The following NPAS3 variants were observed in gnomAD, a reference collection of about 807,000 sequenced individuals.
NPAS3 encodes the protein neuronal PAS domain-containing protein 3.
NPAS3 carries 14 observed loss-of-function variants against 73.1 expected under a neutral mutation model. The ratio of observed to expected loss-of-function variants is 0.19; its 90% confidence interval spans 0.13 to 0.30. The LOEUF (loss-of-function observed/expected upper bound fraction) is 0.30. Among genes scored for constraint, NPAS3 ranks in the 10% least tolerant of loss-of-function variants. NPAS3 has a pLI of 1.00. For missense variants in NPAS3, 1,096 were observed against 1,250.0 expected (o/e 0.88, Z 1.86); for synonymous variants, 620 against 541.5 (o/e 1.14, Z -2.01).
intron 4 of NPAS3, among the ~76,000 whole-genome samples, chr14:33,400,273 C>A (rs1170390241): frequency 6.6e-6 from 1 of 152,068 alleles, no homozygotes; most frequent in Non-Finnish European, 1.5e-5. Flanking sequence ...CACTTATAAA[C>A]CCCAGAAATA....
intron 2 of NPAS3, among the ~76,000 whole-genome samples, chr14:33,081,546 C>A (rs558793988): frequency 1.7e-3 from 256 of 152,248 alleles, no homozygotes; most frequent in African/African-American, 6.0e-3. Context: ...TCTTCTATGT[C>A]GTCAAGTGGG....
In NPAS3 at chr14:33,129,617, G is replaced by T. The variant is rs114385462; in HGVS notation, c.140+73623G>T. 3.4e-3 allele frequency among the ~76,000 whole-genome samples: 516 copies of T among 152,152 alleles called. 2 individuals are homozygous for T. Among genetic ancestry groups the T allele is most frequent in the African/African-American group, 0.012 (501 of 41,518 alleles). The stretch of plus-strand genomic sequence containing the variant: ...ATCTTCCACACATTTTAGTCTATTT[G>T]GTTGTTCCCAATTGTAGTAGTTTTA... On this transcript the variant is annotated intron_variant, in intron 2 of 11. Coordinates refer to ENST00000356141, the Ensembl canonical transcript of NPAS3.
intron 4 of NPAS3, among the ~76,000 whole-genome samples, chr14:33,553,599 C>G (rs1030311589): frequency 1.3e-5 from 2 of 152,252 alleles, no homozygotes; most frequent in Admixed American, 6.5e-5. Context: ...CAGTATGAAC[C>G]TATGCTATCC....
At chr14:33,194,423 A>G (rs2046278364) in intron 2 of NPAS3, among the ~76,000 whole-genome samples, 1 of 152,204 alleles carries the variant, frequency 6.6e-6, no homozygotes, top group South Asian at 2.1e-4. Context: ...AATCAAGACC[A>G]TAAGCTACTC....
chr14:33,376,260 A>T (rs2046308151), intron 4 of NPAS3, among the ~76,000 whole-genome samples: 1 of 152,168 alleles, frequency 6.6e-6, no homozygotes, highest in African/African-American at 2.4e-5. Flanking sequence ...TTTTGAGGAA[A>T]TATTATATAG....
Position 33,465,892 on chromosome 14 carries a change from T to C in NPAS3, c.469-94229T>C, listed in dbSNP as rs192734454. On this transcript the variant is annotated intron_variant, in intron 4 of 11. Coordinates refer to ENST00000356141, the Ensembl canonical transcript of NPAS3. ...GTGGAATCACACGAGATCCAACAGA[T>C]ATATAATAGATAATAAAATGCTAAA... Among the ~76,000 whole-genome samples, 4 of 152,196 alleles carry C rather than the reference T, an allele frequency of 2.6e-5. No homozygotes were observed. In the East Asian group the frequency reaches 7.7e-4, roughly 29 times the overall value.
At chr14:32,937,562 T>C (rs940626878), upstream of NPAS3, among the ~76,000 whole-genome samples, 8 of 152,164 alleles carry the variant, frequency 5.3e-5, no homozygotes, top group Non-Finnish European at 1.2e-4. Flanking sequence ...CTGTAGAGTG[T>C]ACTCCAAAGA....
At chr14:33,776,326 C>T (rs555298803) in intron 8 of NPAS3, among the ~76,000 whole-genome samples, 5 of 151,992 alleles carry the variant, frequency 3.3e-5, no homozygotes, top group African/African-American at 1.2e-4. Flanking sequence ...GCCACCTCTC[C>T]CTCCAAAGAA....
At chr14:32,993,030 C>G (rs1048440739) in intron 1 of NPAS3, among the ~76,000 whole-genome samples, 1 of 151,754 alleles carries the variant, frequency 6.6e-6, no homozygotes, top group African/African-American at 2.4e-5. Flanking sequence ...GTCTCAGGCA[C>G]CTGTTGCTAC....
chr14:33,206,013 C>T (rs1451904666), intron 2 of NPAS3, among the ~76,000 whole-genome samples: 1 of 152,030 alleles, frequency 6.6e-6, no homozygotes, highest in Non-Finnish European at 1.5e-5. Context: ...TCTATCTACT[C>T]CAAATTGGAA....
intron 2 of NPAS3, among the ~76,000 whole-genome samples, chr14:33,195,987 C>A (rs748899581): frequency 6.6e-6 from 1 of 152,166 alleles, no homozygotes; most frequent in Non-Finnish European, 1.5e-5. Context: ...AAAATAGGAT[C>A]TTCAAATGGA....
rs1180778665 is a variant in NPAS3 at position 33,362,815 on chromosome 14, A to G, written c.386-4371A>G. On this transcript the variant is annotated intron_variant, in intron 3 of 11. Transcript: ENST00000356141. The stretch of plus-strand genomic sequence containing the variant: ...AGGATAAGGAAGTACCTCTGAAATG[A>G]TGTTTCCTATCCACCAGTGACTGCC... 2.0e-5 allele frequency among the ~76,000 whole-genome samples: 3 copies of G among 152,094 alleles called. No homozygotes were observed. In the East Asian group the frequency reaches 5.8e-4, roughly 29 times the overall value.
chr14:33,537,739 G>T (rs537484939), intron 4 of NPAS3, among the ~76,000 whole-genome samples: 1 of 152,198 alleles, frequency 6.6e-6, no homozygotes, highest in South Asian at 2.1e-4. Flanking sequence ...TGGGAGAGTA[G>T]GGACCCATTT....
At chr14:33,768,789 C>G (rs909839330) in intron 7 of NPAS3, among the ~76,000 whole-genome samples, 3 of 152,296 alleles carry the variant, frequency 2.0e-5, no homozygotes, top group African/African-American at 7.2e-5. Flanking sequence ...CGCCCCCCAC[C>G]AATATTCCTT....
intron 5 of NPAS3, among the ~76,000 whole-genome samples, chr14:33,629,630 G>A (rs758396562): frequency 7.3e-5 from 11 of 151,610 alleles, no homozygotes; most frequent in Non-Finnish European, 1.0e-4. Flanking sequence ...TTTCTCCAGA[G>A]GAAAGAGTCT....
At chr14:33,710,021 C>T (rs1350720238) in intron 6 of NPAS3, among the ~76,000 whole-genome samples, 1 of 152,222 alleles carries the variant, frequency 6.6e-6, no homozygotes, top group Non-Finnish European at 1.5e-5. Flanking sequence ...TGTGTTTACA[C>T]ATTCAACATT....
At chr14:33,777,593 T>C (rs2062861295) in intron 8 of NPAS3, among the ~76,000 whole-genome samples, 1 of 151,294 alleles carries the variant, frequency 6.6e-6, no homozygotes, top group Admixed American at 6.6e-5. Context: ...GTAAAGAGAA[T>C]AAATTAAACA....
intron 2 of NPAS3, among the ~76,000 whole-genome samples, chr14:33,194,390 G>C (rs1445611661): frequency 6.6e-6 from 1 of 152,042 alleles, no homozygotes; most frequent in African/African-American, 2.4e-5. Flanking sequence ...TTGGAACTTT[G>C]AGCGAAATAT....
intron 4 of NPAS3, among the ~76,000 whole-genome samples, chr14:33,387,197 A>G (rs1024749204): frequency 2.6e-5 from 4 of 152,148 alleles, no homozygotes; most frequent in Admixed American, 2.0e-4. Context: ...TAGTCTGTTC[A>G]ATGTCAGATG....
Sources: gnomAD v4.1 joint callset for allele counts (sites outside exome capture counted in the v4.1 genomes callset) on GRCh38, gnomAD v4.1.1 for gene constraint, MANE v1.5 for transcripts, NCBI Gene and HGNC (gene_info 2026-07-23, HGNC 2026-07-21) for gene names.